The following CPEB3 variants were observed in gnomAD, a reference collection of about 807,000 sequenced individuals.
The protein encoded by CPEB3 is cytoplasmic polyadenylation element binding protein 3.
Under a neutral mutation model 67.2 loss-of-function variants are expected in CPEB3, and 20 were observed. That is an observed-to-expected ratio of 0.30 (90% CI 0.21 to 0.43). The LOEUF is 0.43. Among genes scored for constraint, CPEB3 ranks in the 20% least tolerant of loss-of-function variants. The pLI, the probability that CPEB3 is intolerant of heterozygous loss-of-function variation, is 1.00. For synonymous variants in CPEB3, 376 were observed against 393.1 expected, an observed-to-expected ratio of 0.96 and a Z score of 0.51; for missense variants, 746 against 968.6, an observed-to-expected ratio of 0.77 and a Z score of 3.05.
At chr10:92,280,533 C>A (rs1175149110) in intron 1 of CPEB3, among the ~76,000 whole-genome samples, 27 of 149,964 alleles carry the variant, frequency 1.8e-4, no homozygotes, top group South Asian at 4.2e-4. Flanking sequence ...CCAGCCTGGG[C>A]AATGTGGCAA....
intron 1 of CPEB3, among the ~76,000 whole-genome samples, chr10:92,271,791 A>G (rs1250415624): frequency 1.3e-5 from 2 of 152,132 alleles, no homozygotes; most frequent in African/African-American, 4.8e-5. Context: ...GACACTTTCT[A>G]TGTAAATATC....
chr10:92,080,560 G>C (rs1843107235), intron 9 of CPEB3, among the ~76,000 whole-genome samples: 2 of 151,990 alleles, frequency 1.3e-5, no homozygotes, highest in South Asian at 4.2e-4. Context: ...GCAGCTATTT[G>C]ACTCCAATGA....
intron 1 of CPEB3, among the ~76,000 whole-genome samples, chr10:92,258,235 G>A (rs1195711834): frequency 6.6e-6 from 1 of 151,320 alleles, no homozygotes; most frequent in Non-Finnish European, 1.5e-5. Context: ...GAGTAGCTGG[G>A]ATTAAAGGCA....
chr10:92,084,602 C>T (rs909191626), intron 8 of CPEB3, among the ~76,000 whole-genome samples: 29 of 152,018 alleles, frequency 1.9e-4, no homozygotes, highest in African/African-American at 6.0e-4. Context: ...ATTTTTGAGA[C>T]GGAGTCTCAC....
chr10:92,268,430 C>T (rs1014909145), intron 1 of CPEB3, among the ~76,000 whole-genome samples: 2 of 152,064 alleles, frequency 1.3e-5, no homozygotes, highest in Non-Finnish European at 2.9e-5. Context: ...GAGTTCAAGA[C>T]CAGCCTGGCC....
chr10:92,264,095 G>C (rs1235527954), intron 1 of CPEB3, among the ~76,000 whole-genome samples: 1 of 152,072 alleles, frequency 6.6e-6, no homozygotes, highest in East Asian at 1.9e-4. Flanking sequence ...TTGGGATGCC[G>C]AGGCAGGCAG....
At chr10:92,103,051 C>T (rs957018710) in intron 7 of CPEB3, among the ~76,000 whole-genome samples, 65 of 152,326 alleles carry the variant, frequency 4.3e-4, no homozygotes, top group African/African-American at 1.4e-3. Context: ...GGTGCTGACA[C>T]TGGTGTCACA....
chr10:92,120,632 A>G (rs1289649508), intron 6 of CPEB3, among the ~76,000 whole-genome samples: 2 of 152,186 alleles, frequency 1.3e-5, no homozygotes, highest in Non-Finnish European at 2.9e-5. Context: ...TGTAAAGGAC[A>G]TTACTGAAAC....
At chr10:92,257,269 C>A (rs1332122418) in intron 1 of CPEB3, among the ~76,000 whole-genome samples, 1 of 152,164 alleles carries the variant, frequency 6.6e-6, no homozygotes, top group African/African-American at 2.4e-5. Flanking sequence ...GAAGGCATAA[C>A]ATTGATTTTG....
rs372489537 is a variant in CPEB3 at position 92,236,935 on chromosome 10, T to G, written c.1005+2411A>C. On this transcript the variant is annotated intron_variant, in intron 2 of 9. Transcript: ENST00000265997. Reference sequence around the variant, plus strand: ...CACTGCAGAAAGACTCTTTTATTAATAGCTCAAAAATCTGTTAAATAAAAA... The same window carrying G: ...CACTGCAGAAAGACTCTTTTATTAAGAGCTCAAAAATCTGTTAAATAAAAA... Among the ~76,000 whole-genome samples, 4 of 152,316 alleles carry G rather than the reference T, an allele frequency of 2.6e-5. No homozygotes were observed. The South Asian group carries it at 6.2e-4, about 24-fold the overall frequency.
In CPEB3 at chr10:92,181,030, A is replaced by G; in HGVS notation, c.1166-11T>C. ...TTATCCCCATGCGTCCTAAAAAATA[A>G]AATAATTTTAAGCAAAAAGAATGTT... On this transcript the variant is annotated splice_polypyrimidine_tract_variant and intron_variant, in intron 3 of 9. Transcript: ENST00000265997. The G allele has an allele frequency of 7.0e-7, 1 of 1,424,512 alleles. No homozygotes were observed. Among genetic ancestry groups the G allele is most frequent in the Non-Finnish European group, 9.9e-7 (1 of 1,010,334 alleles). The allele number at this position is 1,424,512 out of a possible 1,614,324, so 88.2% of individuals were successfully genotyped here.
At chr10:92,201,464 G>A (rs1340982153) in intron 2 of CPEB3, among the ~76,000 whole-genome samples, 2 of 152,170 alleles carry the variant, frequency 1.3e-5, no homozygotes, top group African/African-American at 4.8e-5. Context: ...GGAGGCAGAC[G>A]CTACAGTGAG....
chr10:92,282,122 G>A (rs540297353), intron 1 of CPEB3, among the ~76,000 whole-genome samples: 9 of 152,168 alleles, frequency 5.9e-5, no homozygotes, highest in African/African-American at 9.6e-5. Context: ...CTCTGCCCTC[G>A]ACCATTGCAT....
intron 4 of CPEB3, among the ~76,000 whole-genome samples, chr10:92,158,547 T>G (rs184232260): frequency 1.3e-5 from 2 of 152,286 alleles, no homozygotes; most frequent in African/African-American, 4.8e-5. Flanking sequence ...TCTTCATAGA[T>G]TCCCCTGAAA....
At chr10:92,276,308 T>C (rs10748576) in intron 1 of CPEB3, among the ~76,000 whole-genome samples, 91,765 of 137,818 alleles carry the variant, frequency 0.67, 32,344 homozygotes, top group African/African-American at 0.9. Context: ...GATGGAGTTT[T>C]GCTCTTGTTG....
At chr10:92,128,099 T>A (rs953011171) in intron 6 of CPEB3, among the ~76,000 whole-genome samples, 7 of 152,214 alleles carry the variant, frequency 4.6e-5, no homozygotes, top group African/African-American at 1.7e-4. Context: ...TCTGGAGTCA[T>A]TAATATTTTC....
chr10:92,168,508 C>A (rs1847849242), intron 4 of CPEB3, among the ~76,000 whole-genome samples: 1 of 152,090 alleles, frequency 6.6e-6, no homozygotes, highest in African/African-American at 2.4e-5. Flanking sequence ...CAAATCTCAT[C>A]TTGAATTGTA....
At chr10:92,261,637 C>T (rs1372874685) in intron 1 of CPEB3, among the ~76,000 whole-genome samples, 1 of 152,014 alleles carries the variant, frequency 6.6e-6, no homozygotes, top group Admixed American at 6.6e-5. Flanking sequence ...TTAGTAGAGG[C>T]AAGGTTTCAC....
intron 6 of CPEB3, among the ~76,000 whole-genome samples, chr10:92,127,734 C>G (rs540560236): frequency 6.6e-6 from 1 of 152,112 alleles, no homozygotes; most frequent in African/African-American, 2.4e-5. Context: ...AAAGGAAGTA[C>G]TAAGGCCCCC....
Sources: gnomAD v4.1 joint callset for allele counts (sites outside exome capture counted in the v4.1 genomes callset) on GRCh38, gnomAD v4.1.1 for gene constraint, MANE v1.5 for transcripts, NCBI Gene and HGNC (gene_info 2026-07-23, HGNC 2026-07-21) for gene names.